SYNGR1: variants seen among roughly 807,000 people sequenced by gnomAD.
SYNGR1 encodes synaptogyrin-1.
A neutral mutation model predicts 26.1 loss-of-function variants in SYNGR1; 14 were observed. The ratio of observed to expected loss-of-function variants is 0.54; its 90% CI spans 0.35 to 0.84. The LOEUF (loss-of-function observed/expected upper bound fraction) is 0.84. SYNGR1 is among the 40% of genes least tolerant of loss of function. The probability of loss-of-function intolerance (pLI) is 0.01; values close to 1 mark genes in which losing one functional copy is unlikely to be tolerated. For synonymous variants in SYNGR1, 141 were observed against 150.1 expected (o/e 0.94, Z 0.44); for missense variants, 319 against 332.9 (o/e 0.96, Z 0.33).
At chr22:39,375,833 C>A (rs144551554) in intron 2 of SYNGR1, 2 of 663,370 alleles carry the variant, frequency 3.0e-6, no homozygotes, top group African/African-American at 1.8e-5. Context: ...GTGGCCTCCT[C>A]CCCCCTGCAT....
At position 39,350,440 on chromosome 22, in the gene SYNGR1, G is replaced by T. The variant is rs1469004979; in HGVS notation, c.99+331G>T. 6.6e-6 allele frequency among the ~76,000 whole-genome samples: 1 copy of T among 152,182 alleles called. No individual in the cohort carries two copies. Among genetic ancestry groups the T allele is most frequent in the African/African-American group, 2.4e-5 (1 of 41,436 alleles). On this transcript the variant is annotated intron_variant, in intron 1 of 3. Transcript: ENST00000328933. This position sits in a 1 kb window ranked among gnomAD's most constrained non-coding sequence, Gnocchi z 4.3. Reference sequence around the variant, plus strand: ...ATGCCGCGAAAGGCTCGGATTGTGCGCGGCCGCCAGGGCGGACTGGGGACC... The same window carrying T: ...ATGCCGCGAAAGGCTCGGATTGTGCTCGGCCGCCAGGGCGGACTGGGGACC...
rs1383570920 is a variant in SYNGR1 at position 39,350,387 on chromosome 22, C to A, written c.99+278C>A. 6.6e-6 allele frequency among the ~76,000 whole-genome samples: 1 copy of A among 152,188 alleles called. No individual in the cohort carries two copies. The highest frequency in any genetic ancestry group is 2.1e-4 in the South Asian group (1 of 4,836). The stretch of plus-strand genomic sequence containing the variant: ...GGTTCGTGCGCCCCCCTTCCCGCCC[C>A]GATTGCTGTGACCTCCAGGCCGCGG... On this transcript the variant is annotated intron_variant, in intron 1 of 3. Coordinates refer to ENST00000328933, the MANE Select transcript of SYNGR1 (RefSeq NM_004711.5). The surrounding 1 kb of genome is among the most constrained non-coding windows in gnomAD (Gnocchi z 4.3).
At chr22:39,376,235 C>T (rs374807137) in intron 3 of SYNGR1, 38 bp downstream of exon 3, 1 of 1,613,682 alleles carries the variant, frequency 6.2e-7, no homozygotes, top group Non-Finnish European at 8.5e-7. Flanking sequence ...ACACTCGTCC[C>T]CTTTCCCCAC....
In SYNGR1 at chr22:39,381,884, G is replaced by A; in HGVS notation, c.672G>A (p.Glu224=). 6.2e-7 allele frequency: 1 copy of A among 1,612,636 alleles called. No homozygotes were observed. The highest frequency in any genetic ancestry group is 1.1e-5 in the South Asian group (1 of 91,056). Reference sequence around the variant, plus strand: ...AGCCGGCCAACACCTTCGACACCGAGCCCCAGGGCTACCAGTCGCAGGGCT... The same window carrying A: ...AGCCGGCCAACACCTTCGACACCGAACCCCAGGGCTACCAGTCGCAGGGCT... ...YQQPANTFDT[E]PQGYQSQGY The change falls in exon 4 of 4, where the codon GAG becomes GAA. Residue 224 remains glutamate, a synonymous_variant. Coordinates refer to ENST00000328933, the MANE Select transcript of SYNGR1 (RefSeq NM_004711.5).
At position 39,383,415 on chromosome 22, in the gene SYNGR1, C is replaced by T. The variant is rs908781367; in HGVS notation, c.*1501C>T. On this transcript the variant is annotated 3_prime_UTR_variant, in exon 4 of 4. Coordinates refer to ENST00000328933, the MANE Select transcript of SYNGR1 (RefSeq NM_004711.5). ...AAAGGCCCAAAGAGGGCCGTGGGGC[C>T]TGAGGAGGTCATAATCTCTTCTGAG... is the stretch of plus-strand genomic sequence containing the variant. 4 of 152,604 alleles carry T rather than the reference C, an allele frequency of 2.6e-5. No individual in the cohort carries two copies. Among genetic ancestry groups the T allele is most frequent in the African/African-American group, 9.6e-5 (4 of 41,460 alleles). 9.5% of individuals were successfully genotyped at this position (152,604 alleles called of 1,614,324 possible). A position where few individuals can be genotyped will look rare whatever the true frequency, so the allele number is the denominator to read the frequency against.
At chr22:39,380,611 C>G in intron 3 of SYNGR1, among the ~76,000 whole-genome samples, 1 of 137,544 alleles carries the variant, frequency 7.3e-6, no homozygotes, top group Non-Finnish European at 1.5e-5. Context: ...GTTGCCCAAG[C>G]TGGCCTTTTT....
chr22:39,364,164 TCAGGACCAG>T (rs757710529), intron 1 of SYNGR1: 45 of 1,611,932 alleles, frequency 2.8e-5, no homozygotes, highest in Admixed American at 3.3e-5. Context: ...GGGACACGGC[TCAGGACCAG>T]CAGGCATGCC....
At chr22:39,360,138 C>T (rs1201542030) in intron 1 of SYNGR1, among the ~76,000 whole-genome samples, 1 of 152,218 alleles carries the variant, frequency 6.6e-6, no homozygotes, top group Admixed American at 6.5e-5. Context: ...AGACTATCTC[C>T]CCTGTTCTGG....
intron 1 of SYNGR1, among the ~76,000 whole-genome samples, chr22:39,351,640 C>T (rs959601271): frequency 2.0e-5 from 3 of 152,256 alleles, no homozygotes; most frequent in Admixed American, 6.5e-5. Flanking sequence ...CCTGGAAGGG[C>T]GAAGCCACTG....
intron 1 of SYNGR1, chr22:39,364,020 T>C: frequency 9.9e-7 from 1 of 1,007,154 alleles, no homozygotes; most frequent in Non-Finnish European, 1.5e-6. Flanking sequence ...CCATGCTGGC[T>C]GGGCACAGCT....
At chr22:39,357,258 C>A (rs1403143805) in intron 1 of SYNGR1, among the ~76,000 whole-genome samples, 41 of 151,336 alleles carry the variant, frequency 2.7e-4, no homozygotes, top group African/African-American at 9.7e-4. Flanking sequence ...GAGCAAGACT[C>A]TGTTTCAAAA....
rs569466719 is a variant in SYNGR1, at chr22:39,378,887, T to C, written c.483+2690T>C. ...TGGTTGCCCAAATGAAGCTTTGACT[T>C]AGTGAGGGCAGAGAGCTGAACACAG... On this transcript the variant is annotated intron_variant, in intron 3 of 3. Transcript: ENST00000328933. Among the ~76,000 whole-genome samples, 9 of 152,282 alleles carry C rather than the reference T, an allele frequency of 5.9e-5. No individual in the cohort carries two copies. The South Asian group carries it at 1.9e-3, about 32-fold the overall frequency.
At chr22:39,378,513 C>T in intron 3 of SYNGR1, 1 of 972,926 alleles carries the variant, frequency 1.0e-6, no homozygotes, top group Non-Finnish European at 1.2e-6. Flanking sequence ...CACAGGTTTC[C>T]TGCTTGAGGC....
intron 1 of SYNGR1, among the ~76,000 whole-genome samples, chr22:39,368,966 C>T (rs2145622401): frequency 6.6e-6 from 1 of 152,280 alleles, no homozygotes; most frequent in Non-Finnish European, 1.5e-5. Context: ...CCATCTGCCC[C>T]AGAGGGGATG....
At chr22:39,371,167 C>A (rs929753289) in intron 1 of SYNGR1, among the ~76,000 whole-genome samples, 2 of 152,208 alleles carry the variant, frequency 1.3e-5, no homozygotes, top group South Asian at 4.1e-4. Flanking sequence ...AAAATATGCT[C>A]AACTCACATT....
intron 3 of SYNGR1, 74 bp downstream of exon 3, chr22:39,376,271 G>C (rs1209543741): frequency 6.2e-7 from 1 of 1,610,036 alleles, no homozygotes; most frequent in South Asian, 1.1e-5. Flanking sequence ...GTGGCCTTTC[G>C]CTAGCCTGGG....
At chr22:39,360,928 C>T (rs1038652795) in intron 1 of SYNGR1, among the ~76,000 whole-genome samples, 4 of 152,222 alleles carry the variant, frequency 2.6e-5, no homozygotes, top group Non-Finnish European at 5.9e-5. Flanking sequence ...TGTCATAGCC[C>T]CAGGACTAGA....
chr22:39,375,906 C>G (rs537453472), intron 2 of SYNGR1, 146 bp from the exon 3 acceptor site: 29 of 1,077,244 alleles, frequency 2.7e-5, no homozygotes, highest in South Asian at 1.1e-4. Context: ...TCCCCTACCC[C>G]CTTTGCCTGT....
chr22:39,370,460 G>A (rs1924967371), intron 1 of SYNGR1, among the ~76,000 whole-genome samples: 1 of 151,924 alleles, frequency 6.6e-6, no homozygotes, highest in Admixed American at 6.6e-5. Context: ...ATTTTTTGTA[G>A]AGATGCGGTT....
Sources: gnomAD v4.1 joint callset for allele counts (sites outside exome capture counted in the v4.1 genomes callset) on GRCh38, gnomAD v4.1.1 for gene constraint, Gnocchi (gnomAD v3.1) non-coding constraint, MANE v1.5 for transcripts, NCBI Gene and HGNC (gene_info 2026-07-23, HGNC 2026-07-21) for gene names.